Variants in MTCH1 observed in about 807,000 individuals in gnomAD.
MTCH1 encodes mitochondrial carrier homolog 1.
A neutral mutation model predicts 49.3 loss-of-function variants in MTCH1; 23 were observed. That is an observed-to-expected ratio of 0.47 (90% CI 0.34 to 0.66). The LOEUF (loss-of-function observed/expected upper bound fraction) is 0.66, where lower values mean the gene tolerates loss of function less well. Among genes scored for constraint, MTCH1 ranks in the 30% least tolerant of loss-of-function variants. The probability of loss-of-function intolerance (pLI) is 0.01; values close to 1 mark genes in which losing one functional copy is unlikely to be tolerated. For missense variants in MTCH1, 397 were observed against 532.1 expected, an observed-to-expected ratio of 0.75 and a Z score of 2.50; for synonymous variants, 229 against 215.2, an observed-to-expected ratio of 1.06 and a Z score of -0.56.
At position 36,970,232 on chromosome 6, in the gene MTCH1, C is replaced by T. The variant is rs1351486630; in HGVS notation, c.1023-118G>A. 12 of 1,418,690 alleles carry T rather than the reference C, an allele frequency of 8.5e-6. No individual in the cohort carries two copies. The East Asian group carries it at 2.1e-4, about 25-fold the overall frequency. 87.9% of individuals were successfully genotyped at this position (1,418,690 alleles called of 1,614,324 possible). A position where few individuals can be genotyped will look rare whatever the true frequency, so the allele number is the denominator to read the frequency against. On this transcript the variant is annotated intron_variant, in intron 10 of 11. Coordinates refer to ENST00000373627, the MANE Select transcript of MTCH1 (RefSeq NM_001271641.2). Reference sequence around the variant, plus strand: ...CCCATCCACACCCTGACCCCTGACACCACAGTTTACCCCAGGGGGTGCTGG... The same window carrying T: ...CCCATCCACACCCTGACCCCTGACATCACAGTTTACCCCAGGGGGTGCTGG...
upstream of MTCH1, chr6:36,986,263 A>G (rs1476882637): frequency 1.7e-6 from 2 of 1,207,272 alleles, no homozygotes; most frequent in Non-Finnish European, 2.1e-6. Flanking sequence ...GCACCACTCC[A>G]GGCCGCGGGG....
rs1293808379 is a variant in MTCH1 at position 36,971,693 on chromosome 6, T to TACCACACACACACACATGC, written c.906+940_906+958dup. On this transcript the variant is annotated intron_variant, in intron 8 of 11. Transcript: ENST00000373627. ...CTCCTCACCACACAGAACAGACATG[T>TACCACACACACACACATGC]ACCACACACACACACATGCTGAACA... Among the ~76,000 whole-genome samples the TACCACACACACACACATGC allele has an allele frequency of 2.0e-5, 3 of 152,080 alleles. No homozygotes were observed. The East Asian group carries it at 5.8e-4, about 29-fold the overall frequency.
At chr6:36,980,165 A>G (rs1410740892) in intron 2 of MTCH1, among the ~76,000 whole-genome samples, 12 of 152,206 alleles carry the variant, frequency 7.9e-5, no homozygotes, top group Admixed American at 7.9e-4. Flanking sequence ...ACATCTGCTC[A>G]CACCTAGATT....
chr6:36,972,753 C>T lies in MTCH1; in HGVS notation c.805G>A (p.Gly269Ser). The change falls in exon 8 of 12, where the codon GGC becomes AGC. Residue 269 changes from glycine (G) to serine (S), a missense_variant. Around this residue, in one of 2 missense-constraint regions of MTCH1, gnomAD observed 252 missense variants for 388.3 expected, o/e 0.65. Transcript: ENST00000373627. This position sits in a 1 kb window ranked among gnomAD's most constrained non-coding sequence, Gnocchi z 4.1. ...ATGAAGTGGGCCAGCAGGTTACAGC[C>T]CCACAAGAAAACCACATCGCCCAGG... ...HLLGDVVFLW[G>S]CNLLAHFINA... is the part of the protein sequence containing the mutation. 1 of 1,553,628 alleles carries T rather than the reference C, an allele frequency of 6.4e-7. No homozygotes were observed. Among genetic ancestry groups the T allele is most frequent in the Non-Finnish European group, 8.7e-7 (1 of 1,147,890 alleles).
At position 36,982,384 on chromosome 6, in the gene MTCH1, AT is replaced by A. The variant is rs574954896; in HGVS notation, c.322-713del. Among the ~76,000 whole-genome samples the A allele has an allele frequency of 3.4e-3, 509 of 148,338 alleles. 2 individuals carry two copies. The highest frequency in any genetic ancestry group is 0.015 in the East Asian group (75 of 5,068). The stretch of plus-strand genomic sequence containing the variant: ...TTATATCTGAAATATTTATTTATTT[AT>A]TTTTTTTTTTGAGATGGAGTTTCAC... On this transcript the variant is annotated intron_variant, in intron 1 of 11. Transcript: ENST00000373627. The surrounding 1 kb of genome is among the most constrained non-coding windows in gnomAD (Gnocchi z 4.1).
In MTCH1 at chr6:36,970,157, C is replaced by T. The variant is rs200641943; in HGVS notation, c.1023-43G>A. The T allele has an allele frequency of 1.1e-5, 17 of 1,598,146 alleles. No homozygotes were observed. In the East Asian group the frequency reaches 2.9e-4, roughly 27 times the overall value. On this transcript the variant is annotated intron_variant, in intron 10 of 11. Coordinates refer to ENST00000373627, the MANE Select transcript of MTCH1 (RefSeq NM_001271641.2). ...TGTAGATGCAGAGAACAGTGGAAGACAGCCAGCCACGGGAAAGCCACTTCA... is the reference window on the plus strand; with the variant it reads ...TGTAGATGCAGAGAACAGTGGAAGATAGCCAGCCACGGGAAAGCCACTTCA...
At position 36,972,827 on chromosome 6, in the gene MTCH1, G is replaced by T. The variant is rs974534131; in HGVS notation, c.762-31C>A. ...AAACAAGGTAAGCAGAGATGAGCAG[G>T]AGAGGGAGAGGAGCAGTTCCTGGGG... On this transcript the variant is annotated intron_variant, in intron 7 of 11. Transcript: ENST00000373627. This position sits in a 1 kb window ranked among gnomAD's most constrained non-coding sequence, Gnocchi z 4.1. The T allele has an allele frequency of 3.9e-6, 6 of 1,531,596 alleles. No individual in the cohort carries two copies. In the African/African-American group the frequency reaches 8.3e-5, roughly 21 times the overall value. The allele number at this position is 1,531,596 out of a possible 1,614,324, so 94.9% of individuals were successfully genotyped here.
At chr6:36,981,164 G>A (rs1385726162) in intron 2 of MTCH1, among the ~76,000 whole-genome samples, 1 of 152,132 alleles carries the variant, frequency 6.6e-6, no homozygotes, top group Non-Finnish European at 1.5e-5. Context: ...ACACCCAGGT[G>A]GGATAAAAGA....
At chr6:36,976,530 C>T in intron 6 of MTCH1, 1 of 471,164 alleles carries the variant, frequency 2.1e-6, no homozygotes, top group South Asian at 1.5e-5. Flanking sequence ...GGGCCAATTT[C>T]CCATTAATGA....
rs572892018 is a variant in MTCH1 at position 36,974,055 on chromosome 6, T to C, written c.762-1259A>G. Among the ~76,000 whole-genome samples, 593 of 152,358 alleles carry C rather than the reference T, an allele frequency of 3.9e-3. 4 individuals carry two copies. Among genetic ancestry groups the C allele is most frequent in the Non-Finnish European group, 4.5e-3 (306 of 68,028 alleles). On this transcript the variant is annotated intron_variant, in intron 7 of 11. Coordinates refer to ENST00000373627, the MANE Select transcript of MTCH1 (RefSeq NM_001271641.2). ...AAGGTCTAGGCGGTGACATACATGC[T>C]GATAGGTATGTCACAAATGTTGGTT...
chr6:36,974,179 C>T lies in MTCH1; in HGVS notation c.762-1383G>A, dbSNP rs528068621. 6.6e-5 allele frequency among the ~76,000 whole-genome samples: 10 copies of T among 152,196 alleles called. No homozygotes were observed. The South Asian group carries it at 1.9e-3, about 28-fold the overall frequency. On this transcript the variant is annotated intron_variant, in intron 7 of 11. Transcript: ENST00000373627. ...AAATCAGAGTTTCTCAACCTTGGCA[C>T]TATTGACATTTTGGGCTGAATAATT... is the stretch of plus-strand genomic sequence containing the variant.
Position 36,984,748 on chromosome 6 carries a change from G to A in MTCH1, c.321+1105C>T, listed in dbSNP as rs150164102. Among the ~76,000 whole-genome samples, 33 of 152,082 alleles carry A rather than the reference G, an allele frequency of 2.2e-4. No homozygotes were observed. The East Asian group carries it at 3.5e-3, about 16-fold the overall frequency. On this transcript the variant is annotated intron_variant, in intron 1 of 11. Transcript: ENST00000373627. ...TCAAGCAGCACACTTCATCTGTACC[G>A]CATTGCTGGCCACCACCAAATCTGC...
At chr6:36,970,830 C>A (rs529910427) in intron 8 of MTCH1, 136 bp from the exon 9 acceptor site, 3 of 992,208 alleles carry the variant, frequency 3.0e-6, no homozygotes, top group African/African-American at 3.2e-5. Context: ...TCAGCCCTCA[C>A]AGTCACTGCC....
chr6:36,969,910 T>G, intron 11 of MTCH1, 129 bp downstream of exon 11: 1 of 1,549,532 alleles, frequency 6.5e-7, no homozygotes. Context: ...AGATACCAAG[T>G]ATCTCCTCAC....
At chr6:36,978,213 G>C (rs76776504) in intron 3 of MTCH1, 58 bp from the exon 4 acceptor site, 5 of 1,463,768 alleles carry the variant, frequency 3.4e-6, no homozygotes, top group Admixed American at 1.7e-5. Context: ...GGAACTCTTC[G>C]GGGACTTGGG....
Position 36,970,691 on chromosome 6 carries a change from T to A in MTCH1, c.910A>T (p.Ser304Cys). Residue 304 changes from serine (S) to cysteine (C), a missense_variant, in exon 9 of 12, where the codon AGC becomes TGC. Around this residue, in one of 2 missense-constraint regions of MTCH1, gnomAD observed 252 missense variants for 388.3 expected, o/e 0.65. Coordinates refer to ENST00000373627, the MANE Select transcript of MTCH1 (RefSeq NM_001271641.2). Reference protein sequence around the residue: ...GNDQNPGSQFSQALAIRSYTK... With the variant: ...GNDQNPGSQFCQALAIRSYTK... ...TAGCTCCGGATGGCCAGGGCCTGGC[T>A]GAACTGAGGAGACAGAAGGGAAGAG... 6.2e-7 allele frequency: 1 copy of A among 1,614,112 alleles called. No homozygotes were observed. Among genetic ancestry groups the A allele is most frequent in the Non-Finnish European group, 8.5e-7 (1 of 1,180,026 alleles).
chr6:36,976,459 T>C, intron 6 of MTCH1: 1 of 464,288 alleles, frequency 2.2e-6, no homozygotes, highest in Non-Finnish European at 4.5e-6. Context: ...CTCAGAACAG[T>C]GGTGGCCAGA....
At position 36,968,655 on chromosome 6, in the gene MTCH1, G is replaced by T; in HGVS notation, c.*248C>A. On this transcript the variant is annotated 3_prime_UTR_variant, in exon 12 of 12. Transcript: ENST00000373627. ...ACTCAGCAAATCTGCGAGGTATGGG[G>T]ATTCTGCCAACTCCCCACCTCGCCT... 1.7e-6 allele frequency: 1 copy of T among 591,150 alleles called. No homozygotes were observed. The highest frequency in any genetic ancestry group is 1.8e-5 in the African/African-American group (1 of 54,320). 36.6% of individuals were successfully genotyped at this position (591,150 alleles called of 1,614,324 possible). A position where few individuals can be genotyped will look rare whatever the true frequency, so the allele number is the denominator to read the frequency against.
At position 36,978,557 on chromosome 6, in the gene MTCH1, G is replaced by C; in HGVS notation, c.461C>G (p.Pro154Arg). Reference sequence around the variant, plus strand: ...AGAGAGGGCGTTGGACATCAGCCGGGGACTCAGGCCTCGGAACAGCCCTAT... The same window carrying C: ...AGAGAGGGCGTTGGACATCAGCCGGCGACTCAGGCCTCGGAACAGCCCTAT... The part of the protein sequence containing the change: ...GKIGLFRGLS[P>R]RLMSNALSTV... The change falls in exon 3 of 12, where the codon CCC becomes CGC. Residue 154 changes from proline to arginine, a missense_variant. Transcript: ENST00000373627. 1.2e-6 allele frequency: 2 copies of C among 1,614,126 alleles called. No homozygotes were observed.
Sources: allele counts gnomAD v4.1 joint callset (sites outside exome capture counted in the v4.1 genomes callset), GRCh38; gene constraint gnomAD v4.1.1; regional missense constraint gnomAD v4.1.1; non-coding constraint Gnocchi (gnomAD v3.1); transcripts MANE v1.5; gene names NCBI Gene and HGNC (gene_info 2026-07-23, HGNC 2026-07-21).